FRK: variants seen among roughly 807,000 people sequenced by gnomAD.
FRK encodes the protein tyrosine-protein kinase FRK.
In FRK, 51 loss-of-function variants were observed where a neutral mutation model predicts 56.4. The ratio of observed to expected loss-of-function variants is 0.90; its 90% CI spans 0.72 to 1.14. FRK has a LOEUF of 1.14. Among genes scored for constraint, FRK ranks in the 50% most tolerant of loss-of-function variants. The pLI is 0.00. For missense variants in FRK, 570 were observed against 601.4 expected (o/e 0.95, Z 0.55); for synonymous variants, 245 against 217.9 (o/e 1.12, Z -1.10).
intron 4 of FRK, among the ~76,000 whole-genome samples, chr6:115,966,759 T>C (rs185897564): frequency 6.3e-4 from 96 of 152,334 alleles, no homozygotes; most frequent in Non-Finnish European, 4.6e-4. Flanking sequence ...TAGTAATAAA[T>C]GTGAGTTCAA....
chr6:116,052,277 T>C (rs1487195451), intron 1 of FRK, among the ~76,000 whole-genome samples: 1 of 152,178 alleles, frequency 6.6e-6, no homozygotes, highest in Non-Finnish European at 1.5e-5. Context: ...TATTAAGGCA[T>C]GAGCAATTTC....
In FRK at chr6:116,056,291, T is replaced by G. The variant is rs537514993; in HGVS notation, c.344+3677A>C. Among the ~76,000 whole-genome samples, 6 of 151,776 alleles carry G rather than the reference T, an allele frequency of 4.0e-5. No individual in the cohort carries two copies. The South Asian group carries it at 1.3e-3, about 32-fold the overall frequency. On this transcript the variant is annotated intron_variant, in intron 1 of 7. Coordinates refer to ENST00000606080, the MANE Select transcript of FRK (RefSeq NM_002031.3). ...GTGCAGTGGCACAACCATAGCTTGC[T>G]GCAGCCTCAACCTCCCAGGTTTAAG...
rs759016679 is a variant in FRK, at chr6:115,937,210, C to A, written c.*5204G>T. 6.6e-6 allele frequency: 1 copy of A among 152,164 alleles called. No homozygotes were observed. The highest frequency in any genetic ancestry group is 1.5e-5 in the Non-Finnish European group (1 of 68,032). The allele number at this position is 152,164 out of a possible 1,614,324, so 9.4% of individuals were successfully genotyped here. A position where few individuals can be genotyped will look rare whatever the true frequency, so the allele number is the denominator to read the frequency against. ...GAAAAGAATTTTCAACCCAGAATTT[C>A]ATATCCAACCAAACTCAGTTTCATA... On this transcript the variant is annotated 3_prime_UTR_variant, in exon 8 of 8. Transcript: ENST00000606080.
intron 7 of FRK, 65 bp downstream of exon 7, chr6:115,942,955 A>C: frequency 1.3e-6 from 2 of 1,499,760 alleles, no homozygotes; most frequent in Non-Finnish European, 9.1e-7. Context: ...TGGGCAAAGC[A>C]GTTAAAATCA....
chr6:116,063,903 C>G (rs148763106), upstream of FRK, among the ~76,000 whole-genome samples: 3 of 152,212 alleles, frequency 2.0e-5, no homozygotes, highest in Non-Finnish European at 2.9e-5. Context: ...CAAGGTCACA[C>G]GGCCACCAAG....
chr6:115,992,143 TC>T (rs1213629120), intron 2 of FRK, among the ~76,000 whole-genome samples: 2 of 151,700 alleles, frequency 1.3e-5, no homozygotes, highest in African/African-American at 4.8e-5. Flanking sequence ...ATTTCATTCA[TC>T]CTTTGCTCTT....
chr6:116,067,423 C>T, the FRK span, among the ~76,000 whole-genome samples: 2 of 151,978 alleles, frequency 1.3e-5, no homozygotes, highest in Non-Finnish European at 2.9e-5. Context: ...GCACTCATCA[C>T]ACTCTGTATT....
At position 115,977,962 on chromosome 6, in the gene FRK, G is replaced by A. The variant is rs142091497; in HGVS notation, c.467-9223C>T. 1.2e-3 allele frequency among the ~76,000 whole-genome samples: 185 copies of A among 152,150 alleles called. 1 individual carries two copies. The highest frequency in any genetic ancestry group is 4.1e-3 in the African/African-American group (171 of 41,520). On this transcript the variant is annotated intron_variant, in intron 2 of 7. Coordinates refer to ENST00000606080, the MANE Select transcript of FRK (RefSeq NM_002031.3). ...ATATAATTGTAACATTCAATATTTT[G>A]CCAGCTAATTTAATTGAAAATTACA...
intron 1 of FRK, among the ~76,000 whole-genome samples, chr6:116,054,139 A>T (rs6937104): frequency 6.6e-6 from 1 of 151,226 alleles, no homozygotes; most frequent in Admixed American, 6.6e-5. Flanking sequence ...AAACAGTACA[A>T]TTATATTAAC....
intron 1 of FRK, among the ~76,000 whole-genome samples, chr6:116,011,287 AT>A (rs1775458726): frequency 6.6e-6 from 1 of 152,188 alleles, no homozygotes; most frequent in Non-Finnish European, 1.5e-5. Context: ...CATAATTCTT[AT>A]CAGATGAAGA....
At chr6:116,069,137 T>C in the FRK span, among the ~76,000 whole-genome samples, 1 of 152,228 alleles carries the variant, frequency 6.6e-6, no homozygotes, top group African/African-American at 2.4e-5. Flanking sequence ...AGCAGCAACA[T>C]TATTTTAGCA....
chr6:116,053,147 C>G (rs973973530), intron 1 of FRK, among the ~76,000 whole-genome samples: 10 of 151,984 alleles, frequency 6.6e-5, no homozygotes, highest in African/African-American at 2.2e-4. Flanking sequence ...TTAGGCATAC[C>G]ATAGGCTAGG....
At chr6:116,031,590 C>G (rs1395986464) in intron 1 of FRK, among the ~76,000 whole-genome samples, 1 of 152,052 alleles carries the variant, frequency 6.6e-6, no homozygotes, top group Admixed American at 6.6e-5. Flanking sequence ...CACATCACCC[C>G]AATTTGGAGT....
rs1056514313 is a variant in FRK, at chr6:116,039,154, G to A, written c.344+20814C>T. The stretch of plus-strand genomic sequence containing the variant: ...GCACTGGGGAGAAGCTAGCTGAAAG[G>A]GAAGTGGCATCACTGAGAAGTTTGT... On this transcript the variant is annotated intron_variant, in intron 1 of 7. Coordinates refer to ENST00000606080, the MANE Select transcript of FRK (RefSeq NM_002031.3). The A allele has an allele frequency of 1.7e-5, 17 of 1,019,052 alleles. No individual in the cohort carries two copies. In the African/African-American group the frequency reaches 2.4e-4, roughly 14 times the overall value. 63.1% of individuals were successfully genotyped at this position (1,019,052 alleles called of 1,614,324 possible).
chr6:116,068,132 G>T, the FRK span, among the ~76,000 whole-genome samples: 2 of 152,098 alleles, frequency 1.3e-5, no homozygotes, highest in Non-Finnish European at 2.9e-5. Context: ...ACAAGAATCC[G>T]TTAAAATGAA....
At chr6:116,020,833 G>C (rs1285022846) in intron 1 of FRK, among the ~76,000 whole-genome samples, 6 of 152,060 alleles carry the variant, frequency 3.9e-5, no homozygotes, top group Non-Finnish European at 8.8e-5. Context: ...ATATTCCAAA[G>C]TAGAGACAAT....
chr6:116,075,738 C>T, the FRK span, among the ~76,000 whole-genome samples: 3,269 of 152,174 alleles, frequency 0.021, 112 homozygotes, highest in African/African-American at 0.068. Flanking sequence ...GATGATATTA[C>T]GGTCCTTTGC....
intron 1 of FRK, among the ~76,000 whole-genome samples, chr6:116,022,550 T>G (rs1775911721): frequency 6.6e-6 from 1 of 152,132 alleles, no homozygotes; most frequent in Non-Finnish European, 1.5e-5. Flanking sequence ...AGAAAAACTA[T>G]ATAATCAGCC....
At chr6:116,007,902 A>G (rs1775309633) in intron 1 of FRK, among the ~76,000 whole-genome samples, 1 of 152,182 alleles carries the variant, frequency 6.6e-6, no homozygotes, top group African/African-American at 2.4e-5. Context: ...ATGTATTTAG[A>G]AAATATATAA....
Sources: gnomAD v4.1 joint callset for allele counts (sites outside exome capture counted in the v4.1 genomes callset) on GRCh38, gnomAD v4.1.1 for gene constraint, MANE v1.5 for transcripts, NCBI Gene and HGNC (gene_info 2026-07-23, HGNC 2026-07-21) for gene names.